ATPAF1: variants seen among roughly 807,000 people sequenced by gnomAD.
ATPAF1 encodes the protein ATP synthase mitochondrial F1 complex assembly factor 1.
Under a neutral mutation model 43.9 loss-of-function variants are expected in ATPAF1, and 26 were observed. That is an observed-to-expected ratio of 0.59 (90% CI 0.43 to 0.82). The LOEUF is 0.82. Ranked by LOEUF, ATPAF1 falls within the 40% of genes least tolerant of loss-of-function variation. The pLI is 0.00. For missense variants in ATPAF1, 366 were observed against 435.0 expected, an observed-to-expected ratio of 0.84 and a Z score of 1.41; for synonymous variants, 157 against 168.0, an observed-to-expected ratio of 0.93 and a Z score of 0.50.
At chr1:46,642,649 G>A (rs1258333761) in intron 8 of ATPAF1, among the ~76,000 whole-genome samples, 1 of 152,138 alleles carries the variant, frequency 6.6e-6, no homozygotes, top group Non-Finnish European at 1.5e-5. Context: ...AGCTATCCTA[G>A]GCTTCAATAC....
chr1:46,661,990 C>G (rs941570558), intron 2 of ATPAF1, among the ~76,000 whole-genome samples: 2 of 151,518 alleles, frequency 1.3e-5, no homozygotes, highest in African/African-American at 4.9e-5. Context: ...CGCCTCCTGG[C>G]TCCACGCCAT....
At chr1:46,634,142 G>T (rs1482277806), downstream of ATPAF1, 5 of 297,498 alleles carry the variant, frequency 1.7e-5, no homozygotes, top group East Asian at 3.9e-4. Context: ...GAGAATAGTG[G>T]GATGTCCACC....
In ATPAF1 at chr1:46,645,287, T is replaced by C. The variant is rs187462193; in HGVS notation, c.589-31A>G. 162 of 1,500,020 alleles carry C rather than the reference T, an allele frequency of 1.1e-4. No individual in the cohort carries two copies. The East Asian group carries it at 3.2e-3, about 30-fold the overall frequency. The allele number at this position is 1,500,020 out of a possible 1,614,324, so 92.9% of individuals were successfully genotyped here. A position where few individuals can be genotyped will look rare whatever the true frequency, so the allele number is the denominator to read the frequency against. The stretch of plus-strand genomic sequence containing the variant: ...AAAAACAGATATACAAGGAGACAGA[T>C]GAATAAATGAAATTATTTGCTCTAT... On this transcript the variant is annotated intron_variant, in intron 6 of 8. Transcript: ENST00000574428.
intron 4 of ATPAF1, among the ~76,000 whole-genome samples, chr1:46,657,219 T>G (rs1477059007): frequency 6.6e-6 from 1 of 152,196 alleles, no homozygotes; most frequent in Admixed American, 6.5e-5. Context: ...ATACAGAGTA[T>G]GCTGCTTTTA....
intron 8 of ATPAF1, among the ~76,000 whole-genome samples, chr1:46,639,235 T>TACACACAC (rs57111258): frequency 3.6e-4 from 54 of 150,992 alleles, no homozygotes; most frequent in African/African-American, 9.5e-4. Flanking sequence ...TATACACACA[T>TACACACAC]ACACACACAC....
intron 6 of ATPAF1, 186 bp downstream of exon 6, chr1:46,652,395 G>A (rs620913): frequency 0.35 from 186,979 of 539,088 alleles, 39,899 homozygotes; most frequent in East Asian, 0.78. Flanking sequence ...TACAATCAAC[G>A]TGTGAGCATC....
chr1:46,633,709 G>A, downstream of ATPAF1: 2 of 456,182 alleles, frequency 4.4e-6, no homozygotes, highest in South Asian at 3.1e-5. Context: ...TGGGGACTGA[G>A]GACAAATCCA....
intron 4 of ATPAF1, among the ~76,000 whole-genome samples, chr1:46,654,303 A>G (rs1676223414): frequency 6.6e-6 from 1 of 152,080 alleles, no homozygotes. Context: ...TAGCTATACT[A>G]CCTTGGGCAA....
chr1:46,653,945 A>T lies in ATPAF1; in HGVS notation c.490-78T>A, dbSNP rs991169492. The T allele has an allele frequency of 7.3e-7, 1 of 1,375,984 alleles. No homozygotes were observed. The highest frequency in any genetic ancestry group is 1.0e-6 in the Non-Finnish European group (1 of 974,926). The allele number at this position is 1,375,984 out of a possible 1,614,324, so 85.2% of individuals were successfully genotyped here. A position where few individuals can be genotyped will look rare whatever the true frequency, so the allele number is the denominator to read the frequency against. On this transcript the variant is annotated intron_variant, in intron 4 of 8. Transcript: ENST00000574428. The surrounding 1 kb of genome is among the most constrained non-coding windows in gnomAD (Gnocchi z 4.8). ...GTGCCAAGAAATGGTGACAGTTTTC[A>T]TTGCTCAGAGGAATATGCTATTTGA...
chr1:46,633,200 C>T (rs1675781891), downstream of ATPAF1: 1 of 155,032 alleles, frequency 6.5e-6, no homozygotes, highest in African/African-American at 2.4e-5. Flanking sequence ...GGTGATGCTA[C>T]TGCATCTTAA....
Position 46,658,110 on chromosome 1 carries a change from C to T in ATPAF1, c.489+17G>A. ...TCACATTTTCATAGAGTAGGCCAGC[C>T]CATTTCCATTCATTACCTGTTTTAT... On this transcript the variant is annotated intron_variant, in intron 4 of 8. Coordinates refer to ENST00000574428, the Ensembl canonical transcript of ATPAF1. 6.2e-7 allele frequency: 1 copy of T among 1,606,832 alleles called. No homozygotes were observed. The highest frequency in any genetic ancestry group is 8.5e-7 in the Non-Finnish European group (1 of 1,176,280).
At chr1:46,663,994 G>A in intron 2 of ATPAF1, 1 of 920,888 alleles carries the variant, frequency 1.1e-6, no homozygotes, top group Non-Finnish European at 1.5e-6. Context: ...TTTTTTAAAA[G>A]ATGAAAGAGA....
At chr1:46,654,528 T>TTTTTTATTATTA (rs1553218332) in intron 4 of ATPAF1, among the ~76,000 whole-genome samples, 5 of 135,282 alleles carry the variant, frequency 3.7e-5, no homozygotes, top group Non-Finnish European at 7.6e-5. Context: ...TATTTATTTA[T>TTTTTTATTATTA]TTATTATTAT....
chr1:46,667,992 GC>G, intron 1 of ATPAF1, 64 bp downstream of exon 1: 1 of 1,274,438 alleles, frequency 7.8e-7, no homozygotes, highest in Non-Finnish European at 1.0e-6. Context: ...CTGTCCTAAG[GC>G]CCAGCAGCCC....
intron 8 of ATPAF1, 93 bp downstream of exon 8, chr1:46,643,101 C>A: frequency 9.8e-7 from 1 of 1,018,860 alleles, no homozygotes; most frequent in East Asian, 2.5e-5. Flanking sequence ...ATATGTAGCT[C>A]TTTGAAATTT....
In ATPAF1 at chr1:46,665,052, C is replaced by A. The variant is rs1236283872; in HGVS notation, c.375+204G>T. On this transcript the variant is annotated intron_variant, in intron 2 of 8. Transcript: ENST00000574428. ...TCTTGGGAGCAGGAAGTACCCCTCT[C>A]ATACTTCTATATCTCCACCATGACC... 3.6e-5 allele frequency: 20 copies of A among 562,602 alleles called. No individual in the cohort carries two copies. In the East Asian group the frequency reaches 5.9e-4, roughly 17 times the overall value. 34.9% of individuals were successfully genotyped at this position (562,602 alleles called of 1,614,324 possible).
intron 1 of ATPAF1, chr1:46,666,260 G>A: frequency 5.8e-6 from 1 of 171,666 alleles, no homozygotes; most frequent in Admixed American, 5.7e-5. Context: ...TCTCTGTAGT[G>A]GGCCGGCTCC....
chr1:46,658,766 T>C (rs1359921282), intron 2 of ATPAF1, 29 bp from the exon 3 acceptor site: 8 of 1,502,840 alleles, frequency 5.3e-6, no homozygotes, highest in Non-Finnish European at 7.2e-6. Flanking sequence ...GATATTAATC[T>C]ACACTTTACT....
rs1355674855 is a variant in ATPAF1, at chr1:46,663,284, T to C, written c.375+1972A>G. On this transcript the variant is annotated intron_variant, in intron 2 of 8. Coordinates refer to ENST00000574428, the Ensembl canonical transcript of ATPAF1. ...TTATAGCAGCATGATTTGTAATCCT[T>C]TGGGTATATACCCAGTAATGGGATG... is the stretch of plus-strand genomic sequence containing the variant. Among the ~76,000 whole-genome samples the C allele has an allele frequency of 2.6e-5, 4 of 152,232 alleles. No individual in the cohort carries two copies. The East Asian group carries it at 7.7e-4, about 29-fold the overall frequency.
Sources: gnomAD v4.1 joint callset for allele counts (sites outside exome capture counted in the v4.1 genomes callset) on GRCh38, gnomAD v4.1.1 for gene constraint, Gnocchi (gnomAD v3.1) non-coding constraint, MANE v1.5 for transcripts, NCBI Gene and HGNC (gene_info 2026-07-23, HGNC 2026-07-21) for gene names.